KALRN: variants seen among roughly 807,000 people sequenced by gnomAD.
KALRN encodes kalirin.
Under a neutral mutation model 353.7 loss-of-function variants are expected in KALRN, and 70 were observed. The ratio of observed to expected loss-of-function variants is 0.20; its 90% CI spans 0.16 to 0.24. The LOEUF (loss-of-function observed/expected upper bound fraction) is 0.24, where lower values mean the gene tolerates loss of function less well. Among genes scored for constraint, KALRN ranks in the 10% least tolerant of loss-of-function variants. The pLI is 1.00. For missense variants in KALRN, 2,791 were observed against 3,756.7 expected, an observed-to-expected ratio of 0.74 and a Z score of 6.72; for synonymous variants, 1,391 against 1,434.8, an observed-to-expected ratio of 0.97 and a Z score of 0.69.
intron 10 of KALRN, among the ~76,000 whole-genome samples, chr3:124,365,201 GA>G (rs2084519548): frequency 1.3e-5 from 2 of 152,218 alleles, no homozygotes; most frequent in South Asian, 4.1e-4. Flanking sequence ...GATGAACTCT[GA>G]AATACAGTTT....
Position 124,718,909 on chromosome 3 carries a change from C to G in KALRN, c.8416-16C>G. The G allele has an allele frequency of 1.2e-6, 2 of 1,610,914 alleles. No homozygotes were observed. Among genetic ancestry groups the G allele is most frequent in the Non-Finnish European group, 1.7e-6 (2 of 1,177,288 alleles). The stretch of plus-strand genomic sequence containing the variant: ...AACTTCCCTTCTTTTCTCCCTGCTT[C>G]CTTGGATCTCTGCAGCCTGAAAACC... On this transcript the variant is annotated splice_polypyrimidine_tract_variant and intron_variant, in intron 59 of 59. Transcript: ENST00000682506.
At chr3:124,399,069 T>C (rs1415161336) in intron 13 of KALRN, among the ~76,000 whole-genome samples, 198 bp downstream of exon 13, 1 of 152,196 alleles carries the variant, frequency 6.6e-6, no homozygotes, top group East Asian at 1.9e-4. Flanking sequence ...AGAGCCCCTC[T>C]ATTTTACTTT....
At chr3:124,193,034 A>G (rs929423944) in intron 1 of KALRN, among the ~76,000 whole-genome samples, 2 of 152,154 alleles carry the variant, frequency 1.3e-5, no homozygotes, top group Admixed American at 1.3e-4. Context: ...TTCTTTATTG[A>G]CCTGACCTAG....
intron 1 of KALRN, chr3:124,094,653 A>C (rs1000931647): frequency 1.6e-6 from 1 of 639,368 alleles, no homozygotes; most frequent in African/African-American, 1.8e-5. Context: ...TGTTGCTGTG[A>C]AACCGGCTCC....
At chr3:124,232,903 G>A (rs1371244444) in intron 2 of KALRN, among the ~76,000 whole-genome samples, 1 of 152,022 alleles carries the variant, frequency 6.6e-6, no homozygotes, top group African/African-American at 2.4e-5. Flanking sequence ...GCAGAAACTT[G>A]ATTCTGTTTC....
At chr3:124,037,715 C>T (rs1268849421) in intron 1 of KALRN, among the ~76,000 whole-genome samples, 1 of 151,870 alleles carries the variant, frequency 6.6e-6, no homozygotes, top group Non-Finnish European at 1.5e-5. Context: ...GCCATTGAGA[C>T]ACATTTTTAG....
chr3:124,505,099 A>C (rs761022949), intron 33 of KALRN: 1 of 386,748 alleles, frequency 2.6e-6, no homozygotes, highest in Non-Finnish European at 5.3e-6. Flanking sequence ...TGTTCTGTAC[A>C]GACCTTTTGA....
intron 29 of KALRN, 87 bp downstream of exon 29, chr3:124,488,402 A>T: frequency 3.4e-6 from 3 of 881,070 alleles, no homozygotes; most frequent in Non-Finnish European, 5.8e-6. Context: ...GCATGAAGTT[A>T]GACAAGGTGC....
At chr3:124,299,163 T>G (rs963344423) in intron 6 of KALRN, among the ~76,000 whole-genome samples, 2 of 152,176 alleles carry the variant, frequency 1.3e-5, no homozygotes, top group Non-Finnish European at 2.9e-5. Context: ...AGGCATTGGC[T>G]CAGCTCAAGT....
At chr3:124,405,651 T>G (rs1052923623) in intron 13 of KALRN, among the ~76,000 whole-genome samples, 71 of 144,900 alleles carry the variant, frequency 4.9e-4, no homozygotes, top group East Asian at 2.2e-3. Context: ...TTTTTTTTTT[T>G]TTTTTTTTTT....
intron 3 of KALRN, among the ~76,000 whole-genome samples, chr3:124,251,675 T>C (rs1392151562): frequency 6.6e-6 from 1 of 152,194 alleles, no homozygotes; most frequent in Non-Finnish European, 1.5e-5. Flanking sequence ...TTGTTCTTTT[T>C]GAGAGGACTT....
intron 37 of KALRN, among the ~76,000 whole-genome samples, chr3:124,644,675 C>T (rs1030385647): frequency 6.6e-6 from 1 of 152,186 alleles, no homozygotes; most frequent in African/African-American, 2.4e-5. Flanking sequence ...TTTACAACTG[C>T]ATAGTATTCC....
At chr3:124,390,819 T>C (rs1338923051) in intron 11 of KALRN, among the ~76,000 whole-genome samples, 1 of 152,142 alleles carries the variant, frequency 6.6e-6, no homozygotes, top group Non-Finnish European at 1.5e-5. Context: ...TCCGTAAGCC[T>C]TGTTATTTTT....
intron 1 of KALRN, among the ~76,000 whole-genome samples, chr3:124,122,229 G>A (rs946192225): frequency 3.3e-5 from 5 of 152,160 alleles, no homozygotes; most frequent in African/African-American, 9.7e-5. Flanking sequence ...CTGCAGTGCT[G>A]GTGGAGGCTC....
At chr3:124,130,321 T>G (rs1399326402) in intron 1 of KALRN, among the ~76,000 whole-genome samples, 1 of 152,218 alleles carries the variant, frequency 6.6e-6, no homozygotes, top group African/African-American at 2.4e-5. Context: ...CAGAGCTCTC[T>G]GAACTTCTCA....
intron 1 of KALRN, among the ~76,000 whole-genome samples, chr3:124,079,744 C>A (rs1194430151): frequency 6.6e-6 from 1 of 152,162 alleles, no homozygotes; most frequent in African/African-American, 2.4e-5. Context: ...ATGATCTGGC[C>A]TGACAGGCTA....
chr3:124,242,140 C>T (rs751745262), intron 3 of KALRN, among the ~76,000 whole-genome samples: 5 of 152,168 alleles, frequency 3.3e-5, no homozygotes, highest in Non-Finnish European at 5.9e-5. Flanking sequence ...AGAAGATTCA[C>T]TCTGGCAACT....
At chr3:124,375,715 T>A (rs1218111349) in intron 10 of KALRN, among the ~76,000 whole-genome samples, 1 of 152,248 alleles carries the variant, frequency 6.6e-6, no homozygotes, top group Non-Finnish European at 1.5e-5. Context: ...TGTTATTGCA[T>A]GGATAAAATG....
chr3:124,438,132 T>C (rs985812391), intron 17 of KALRN, among the ~76,000 whole-genome samples: 1 of 152,204 alleles, frequency 6.6e-6, no homozygotes, highest in Non-Finnish European at 1.5e-5. Context: ...CAGGCCCTGA[T>C]ACTAGGCTGC....
Sources: gnomAD v4.1 joint callset for allele counts (sites outside exome capture counted in the v4.1 genomes callset) on GRCh38, gnomAD v4.1.1 for gene constraint, MANE v1.5 for transcripts, NCBI Gene and HGNC (gene_info 2026-07-23, HGNC 2026-07-21) for gene names.